The following CFAP20DC variants were observed in gnomAD, a reference collection of about 807,000 sequenced individuals.
CFAP20DC encodes the protein CFAP20 domain containing.
CFAP20DC carries 84 observed loss-of-function variants against 101.7 expected under a neutral mutation model. The observed-to-expected ratio is 0.83, with a 90% CI of 0.69 to 0.99. CFAP20DC has a LOEUF of 0.99. Ranked by LOEUF, CFAP20DC falls within the 50% of genes least tolerant of loss-of-function variation. The pLI is 0.00. For synonymous variants in CFAP20DC, 359 were observed against 351.2 expected (o/e 1.02, Z -0.25); for missense variants, 1,007 against 970.3 (o/e 1.04, Z -0.50).
intron 4 of CFAP20DC, among the ~76,000 whole-genome samples, chr3:58,963,848 G>A (rs2091342653): frequency 6.6e-6 from 1 of 152,102 alleles, no homozygotes; most frequent in South Asian, 2.1e-4. Context: ...GCCATGACAG[G>A]ACAGGAGGTC....
intron 6 of CFAP20DC, among the ~76,000 whole-genome samples, 196 bp from the exon 7 acceptor site, chr3:58,884,905 G>A (rs1009170289): frequency 2.6e-5 from 4 of 152,138 alleles, no homozygotes; most frequent in Middle Eastern, 6.3e-3. Flanking sequence ...GGGTAGACAT[G>A]ATTAAATGAG....
chr3:58,928,835 A>G (rs913018790), intron 5 of CFAP20DC, among the ~76,000 whole-genome samples: 2 of 152,224 alleles, frequency 1.3e-5, no homozygotes, highest in Non-Finnish European at 2.9e-5. Flanking sequence ...ACATGAGCTG[A>G]AGTCACCTAG....
intron 4 of CFAP20DC, among the ~76,000 whole-genome samples, chr3:59,019,347 A>G (rs1483238861): frequency 6.6e-6 from 1 of 151,974 alleles, no homozygotes; most frequent in Non-Finnish European, 1.5e-5. Flanking sequence ...CTAGCCCGCA[A>G]TGCTGTTACA....
intron 12 of CFAP20DC, among the ~76,000 whole-genome samples, chr3:58,854,495 C>T (rs1384195207): frequency 6.6e-6 from 1 of 152,112 alleles, no homozygotes; most frequent in Non-Finnish European, 1.5e-5. Context: ...CTTTAAAGTT[C>T]ATATGGCACC....
intron 7 of CFAP20DC, among the ~76,000 whole-genome samples, chr3:58,883,918 G>C (rs1373245738): frequency 1.3e-5 from 2 of 152,150 alleles, no homozygotes; most frequent in Non-Finnish European, 2.9e-5. Context: ...CATTAATTTG[G>C]TCAACAGCTC....
chr3:58,934,020 A>T (rs957041683), intron 5 of CFAP20DC, among the ~76,000 whole-genome samples: 7 of 152,266 alleles, frequency 4.6e-5, no homozygotes, highest in Admixed American at 1.3e-4. Context: ...TTGATAGACC[A>T]CTAGCAAGAC....
At chr3:58,784,037 T>C (rs1257083046) in intron 15 of CFAP20DC, among the ~76,000 whole-genome samples, 1 of 149,702 alleles carries the variant, frequency 6.7e-6, no homozygotes, top group East Asian at 2.1e-4. Flanking sequence ...CTATTGTTTC[T>C]ATTGTTGCCA....
intron 4 of CFAP20DC, among the ~76,000 whole-genome samples, chr3:58,949,283 T>C (rs1227016129): frequency 6.6e-6 from 1 of 152,182 alleles, no homozygotes; most frequent in African/African-American, 2.4e-5. Flanking sequence ...CTCTATTTCC[T>C]TCAGTTCTGC....
chr3:58,887,056 T>C (rs772035759), intron 6 of CFAP20DC, among the ~76,000 whole-genome samples: 3 of 152,240 alleles, frequency 2.0e-5, no homozygotes, highest in Non-Finnish European at 2.9e-5. Flanking sequence ...CCTAATGTCC[T>C]AATCTGAAAA....
intron 4 of CFAP20DC, among the ~76,000 whole-genome samples, chr3:58,993,506 T>G: frequency 6.6e-6 from 1 of 152,120 alleles, no homozygotes; most frequent in Non-Finnish European, 1.5e-5. Context: ...TCATGGTGGT[T>G]TGCTGCACAG....
chr3:58,977,837 G>A (rs1353355883), intron 4 of CFAP20DC, among the ~76,000 whole-genome samples: 1 of 152,014 alleles, frequency 6.6e-6, no homozygotes, highest in Non-Finnish European at 1.5e-5. Context: ...CACACCTTCC[G>A]TGTTTGTCTC....
At chr3:58,943,986 C>T (rs1185540309) in intron 4 of CFAP20DC, among the ~76,000 whole-genome samples, 2 of 151,758 alleles carry the variant, frequency 1.3e-5, no homozygotes, top group Non-Finnish European at 2.9e-5. Flanking sequence ...AAATGAGGAT[C>T]AACTTAATGA....
In CFAP20DC at chr3:58,729,736, G is replaced by T. The variant is rs1385361382; in HGVS notation, c.198-12108C>A. The stretch of plus-strand genomic sequence containing the variant: ...TTAGTCTGCTATTATTGAAAGTTGA[G>T]GCTGGGATCGGTGGCTCATGCCTGT... On this transcript the variant is annotated intron_variant, in intron 3 of 3. Coordinates refer to the CFAP20DC transcript ENST00000486145. The surrounding 1 kb of genome is among the most constrained non-coding windows in gnomAD (Gnocchi z 4.4). 1.3e-5 allele frequency among the ~76,000 whole-genome samples: 2 copies of T among 152,136 alleles called. No individual in the cohort carries two copies. The highest frequency in any genetic ancestry group is 2.4e-5 in the African/African-American group (1 of 41,408).
downstream of CFAP20DC, among the ~76,000 whole-genome samples, chr3:58,716,468 TCAGA>T (rs200028024): frequency 6.3e-3 from 958 of 152,042 alleles, 9 homozygotes; most frequent in African/African-American, 0.022. Flanking sequence ...CGGCCTGCAG[TCAGA>T]TAATTTTTAA....
rs1170115857 is a variant in CFAP20DC, at chr3:58,868,011, T to G, written c.1016-75A>C. The G allele has an allele frequency of 3.2e-5, 46 of 1,416,314 alleles. No individual in the cohort carries two copies. The highest frequency in any genetic ancestry group is 4.3e-5 in the Non-Finnish European group (46 of 1,058,890). The allele number at this position is 1,416,314 out of a possible 1,614,324, so 87.7% of individuals were successfully genotyped here. A position where few individuals can be genotyped will look rare whatever the true frequency, so the allele number is the denominator to read the frequency against. On this transcript the variant is annotated intron_variant, in intron 9 of 16. Coordinates refer to ENST00000482387, the MANE Select transcript of CFAP20DC (RefSeq NM_001394063.1). This position sits in a 1 kb window ranked among gnomAD's most constrained non-coding sequence, Gnocchi z 4.6. ...GCTTGAAGTAACTCAGTAAATATAA[T>G]TATCACTATAATGAGAATATTCATG... is the stretch of plus-strand genomic sequence containing the variant.
At chr3:58,805,463 C>T (rs571792793) in intron 15 of CFAP20DC, among the ~76,000 whole-genome samples, 4 of 152,198 alleles carry the variant, frequency 2.6e-5, no homozygotes, top group Non-Finnish European at 5.9e-5. Flanking sequence ...CTCTTTCTCC[C>T]TATCTCTTTC....
At chr3:58,890,105 C>A (rs1237129378) in intron 6 of CFAP20DC, among the ~76,000 whole-genome samples, 1 of 151,222 alleles carries the variant, frequency 6.6e-6, no homozygotes, top group Non-Finnish European at 1.5e-5. Flanking sequence ...GGCAGAGGGG[C>A]TCTTCACTTC....
At chr3:58,917,841 A>G (rs1203517365) in intron 5 of CFAP20DC, among the ~76,000 whole-genome samples, 1 of 152,186 alleles carries the variant, frequency 6.6e-6, no homozygotes, top group Non-Finnish European at 1.5e-5. Flanking sequence ...AAGTCCTTCT[A>G]TGGAGAGAGG....
intron 14 of CFAP20DC, among the ~76,000 whole-genome samples, chr3:58,821,398 G>C (rs1386143804): frequency 6.6e-6 from 1 of 152,058 alleles, no homozygotes; most frequent in East Asian, 1.9e-4. Flanking sequence ...CTACTCATCT[G>C]ACAAAGGGCT....
Sources: allele counts gnomAD v4.1 joint callset (sites outside exome capture counted in the v4.1 genomes callset), GRCh38; gene constraint gnomAD v4.1.1; non-coding constraint Gnocchi (gnomAD v3.1); transcripts MANE v1.5; gene names NCBI Gene and HGNC (gene_info 2026-07-23, HGNC 2026-07-21).